Variants in NAA16 observed in about 807,000 individuals in gnomAD.
The protein encoded by NAA16 is N-alpha-acetyltransferase 16, NatA auxiliary subunit.
In NAA16, 97 loss-of-function variants were observed where a neutral mutation model predicts 110.3. The observed-to-expected ratio is 0.88, with a 90% CI of 0.75 to 1.04. The LOEUF is 1.04. Among genes scored for constraint, NAA16 ranks in the 50% least tolerant of loss-of-function variants. NAA16 has a pLI of 0.00. For missense variants in NAA16, 1,017 were observed against 1,005.1 expected, an observed-to-expected ratio of 1.01 and a Z score of -0.16; for synonymous variants, 372 against 330.6, an observed-to-expected ratio of 1.13 and a Z score of -1.36.
intron 14 of NAA16, 57 bp from the exon 15 acceptor site, chr13:41,369,033 G>A: frequency 6.9e-7 from 1 of 1,444,116 alleles, no homozygotes; most frequent in Non-Finnish European, 9.3e-7. Context: ...TATTACAGAA[G>A]AATATGAAGA....
intron 2 of NAA16, among the ~76,000 whole-genome samples, chr13:41,318,260 CAG>C: frequency 6.6e-6 from 1 of 150,860 alleles, no homozygotes; most frequent in African/African-American, 2.4e-5. Context: ...GGCTGGAGTA[CAG>C]TGGCACAATC....
In NAA16 at chr13:41,374,825, G is replaced by A. The variant is rs2043397050; in HGVS notation, c.2383G>A (p.Asp795Asn). 3 of 1,605,352 alleles carry A rather than the reference G, an allele frequency of 1.9e-6. No homozygotes were observed. The highest frequency in any genetic ancestry group is 2.2e-5 in the South Asian group (2 of 89,800). The change falls in exon 19 of 20, where the codon GAT (aspartate) becomes AAT (asparagine). Residue 795 changes from aspartate to asparagine, a missense_variant. Transcript: ENST00000379406. ...CACTAGACTAGATGAAACTATAAAA[G>A]ATAAAGATGTAAAGGTAAGTTTTTT... ...IATRLDETIKDKDVKTLIKVS... is the reference protein window; with the variant it reads ...IATRLDETIKNKDVKTLIKVS...
At chr13:41,369,453 T>G (rs2043273016) in intron 15 of NAA16, among the ~76,000 whole-genome samples, 170 bp downstream of exon 15, 1 of 152,242 alleles carries the variant, frequency 6.6e-6, no homozygotes, top group South Asian at 2.1e-4. Context: ...TTTTGGCTAA[T>G]GCAAGTTATA....
intron 9 of NAA16, among the ~76,000 whole-genome samples, chr13:41,347,796 C>T (rs1225962142): frequency 1.3e-5 from 2 of 152,102 alleles, no homozygotes; most frequent in African/African-American, 2.4e-5. Context: ...GCAAATAGAT[C>T]GTTTTACTTC....
chr13:41,325,208 G>A (rs543662129), intron 5 of NAA16, among the ~76,000 whole-genome samples: 1 of 152,062 alleles, frequency 6.6e-6, no homozygotes, highest in Non-Finnish European at 1.5e-5. Flanking sequence ...ACCCACCTCA[G>A]CCTCCCAAAG....
chr13:41,347,222 A>C (rs1566276447), intron 9 of NAA16, among the ~76,000 whole-genome samples: 1 of 88,702 alleles, frequency 1.1e-5, no homozygotes, highest in Non-Finnish European at 3.2e-5. Flanking sequence ...CTCAAAAAAA[A>C]AAAAACAAAA....
chr13:41,349,560 G>T (rs1359010215), intron 9 of NAA16, among the ~76,000 whole-genome samples: 1 of 151,918 alleles, frequency 6.6e-6, no homozygotes, highest in Admixed American at 6.6e-5. Context: ...GGAAAAACAG[G>T]TTTTCTTGAA....
intron 9 of NAA16, among the ~76,000 whole-genome samples, chr13:41,350,240 G>C (rs2042792488): frequency 6.6e-6 from 1 of 151,640 alleles, no homozygotes. Context: ...TCCAGCCTGG[G>C]TAACACAGCG....
intron 3 of NAA16, among the ~76,000 whole-genome samples, 154 bp from the exon 4 acceptor site, chr13:41,320,513 T>C (rs1018246355): frequency 1.3e-5 from 2 of 152,216 alleles, no homozygotes; most frequent in Non-Finnish European, 2.9e-5. Context: ...GGTTTCGTCT[T>C]TAACTTCCCC....
intron 2 of NAA16, among the ~76,000 whole-genome samples, chr13:41,317,710 G>A (rs2041845202): frequency 6.6e-6 from 1 of 152,126 alleles, no homozygotes; most frequent in Non-Finnish European, 1.5e-5. Flanking sequence ...TTTTAGCTGT[G>A]GAAGCTTTAT....
At chr13:41,351,425 A>G (rs373837532) in intron 9 of NAA16, among the ~76,000 whole-genome samples, 2 of 152,284 alleles carry the variant, frequency 1.3e-5, no homozygotes, top group South Asian at 2.1e-4. Context: ...TAATTCAGCA[A>G]TTTTGGTCCT....
At chr13:41,374,980 T>G (rs75528437) in intron 19 of NAA16, 141 bp downstream of exon 19, 2 of 602,908 alleles carry the variant, frequency 3.3e-6, no homozygotes, top group Non-Finnish European at 5.9e-6. Flanking sequence ...TGCGTAACTT[T>G]AGGCAGGTTA....
intron 9 of NAA16, among the ~76,000 whole-genome samples, chr13:41,340,647 G>GTTTT (rs754237653): frequency 6.9e-5 from 3 of 43,598 alleles, no homozygotes; most frequent in Admixed American, 7.2e-4. Context: ...TTTTGAGTGA[G>GTTTT]TTTTTTTTTT....
In NAA16 at chr13:41,358,824, C is replaced by T. The variant is rs1566291019; in HGVS notation, c.1272C>T (p.Leu424=). ...KAKIYKHIGN[L]KEAAKWMDEA... ...ATCTTTTATAGCATATAGGTAATCT[C>T]AAAGAAGCTGCAAAGTGGATGGATG... is the stretch of plus-strand genomic sequence containing the variant. Residue 424 remains leucine, a synonymous_variant, in exon 12 of 20, where the codon CTC becomes CTT. Transcript: ENST00000379406. The T allele has an allele frequency of 4.4e-6, 7 of 1,601,600 alleles. No homozygotes were observed. The highest frequency in any genetic ancestry group is 6.0e-6 in the Non-Finnish European group (7 of 1,172,178).
rs542467528 is a variant in NAA16 at position 41,352,949 on chromosome 13, T to C, written c.1015-2195T>C. Reference sequence around the variant, plus strand: ...TAAAAATAGGTTTCACCCCTTCATCTCTACTAAAAATAGAAAAATTAGCCG... The same window carrying C: ...TAAAAATAGGTTTCACCCCTTCATCCCTACTAAAAATAGAAAAATTAGCCG... On this transcript the variant is annotated intron_variant, in intron 9 of 19. Coordinates refer to ENST00000379406, the MANE Select transcript of NAA16 (RefSeq NM_024561.5). Among the ~76,000 whole-genome samples, 11 of 152,130 alleles carry C rather than the reference T, an allele frequency of 7.2e-5. No homozygotes were observed. In the East Asian group the frequency reaches 1.9e-3, roughly 27 times the overall value.
At chr13:41,348,558 T>G (rs9562291) in intron 9 of NAA16, among the ~76,000 whole-genome samples, 144,162 of 152,192 alleles carry the variant, frequency 0.95, 68,350 homozygotes, top group South Asian at 0.99. Context: ...GCTAGTGTTT[T>G]GTTTAGGATA....
intron 18 of NAA16, 91 bp downstream of exon 18, chr13:41,373,871 A>G: frequency 1.4e-6 from 2 of 1,476,134 alleles, no homozygotes; most frequent in South Asian, 2.9e-5. Flanking sequence ...GCAAATGAAC[A>G]GTACTGTGTG....
intron 4 of NAA16, among the ~76,000 whole-genome samples, chr13:41,322,319 T>C (rs988069028): frequency 1.1e-4 from 17 of 152,056 alleles, no homozygotes; most frequent in African/African-American, 3.6e-4. Context: ...ATGATAGTGT[T>C]GGCAGCATGG....
chr13:41,368,926 T>G (rs2139513535), intron 14 of NAA16, among the ~76,000 whole-genome samples, 164 bp from the exon 15 acceptor site: 1 of 152,282 alleles, frequency 6.6e-6, no homozygotes, highest in Middle Eastern at 3.4e-3. Context: ...ACTGTGTCAT[T>G]TTATATCACA....
Sources: allele counts gnomAD v4.1 joint callset (sites outside exome capture counted in the v4.1 genomes callset), GRCh38; gene constraint gnomAD v4.1.1; transcripts MANE v1.5; gene names NCBI Gene and HGNC (gene_info 2026-07-23, HGNC 2026-07-21).